POLR2F: variants seen among roughly 807,000 people sequenced by gnomAD.
POLR2F encodes the protein RNA polymerase II, I and III subunit F, also known as DNA-directed RNA polymerases I, II, and III subunit RPABC2.
A neutral mutation model predicts 22.7 loss-of-function variants in POLR2F; 12 were observed. That is an observed-to-expected ratio of 0.53 (90% CI 0.34 to 0.86). POLR2F has a LOEUF of 0.86. Ranked by LOEUF, POLR2F falls within the 40% of genes least tolerant of loss-of-function variation. The pLI, the probability that POLR2F is intolerant of heterozygous loss-of-function variation, is 0.02. For missense variants in POLR2F, 126 were observed against 171.5 expected, an observed-to-expected ratio of 0.73 and a Z score of 1.48; for synonymous variants, 57 against 66.0, an observed-to-expected ratio of 0.86 and a Z score of 0.66.
chr22:38,026,150 AG>A (rs2085007872), intron 2 of POLR2F: 1 of 533,298 alleles, frequency 1.9e-6, no homozygotes, highest in Non-Finnish European at 3.8e-6. Context: ...GATGCCTGGT[AG>A]GCGGGCACCA....
At chr22:37,974,229 G>A (rs373006786), downstream of POLR2F, 45 of 1,541,234 alleles carry the variant, frequency 2.9e-5, no homozygotes, top group Middle Eastern at 1.9e-4. This position sits in a 1 kb window ranked among gnomAD's most constrained non-coding sequence, Gnocchi z 5.4. Flanking sequence ...GAGAGAGAGC[G>A]CAAGGGGGAA....
At chr22:38,033,395 C>T (rs865888532) in intron 5 of POLR2F, among the ~76,000 whole-genome samples, 1 of 152,196 alleles carries the variant, frequency 6.6e-6, no homozygotes, top group Non-Finnish European at 1.5e-5. Context: ...TGGAATTTCC[C>T]TGGCCCCAGA....
exon 6 of POLR2F, chr22:38,041,102 A>T (rs1401212414): frequency 1.9e-6 from 3 of 1,612,818 alleles, no homozygotes; most frequent in Admixed American, 3.3e-5. Flanking sequence ...ACTCGCCTGA[A>T]GCCCCGTGAA....
intron 1 of POLR2F, chr22:38,025,453 C>A: frequency 2.3e-6 from 3 of 1,323,678 alleles, no homozygotes; most frequent in East Asian, 5.2e-5. Context: ...GATTCATATA[C>A]ACACACGTAC....
At chr22:37,973,298 G>A (rs1440678594), downstream of POLR2F, 2 of 564,972 alleles carry the variant, frequency 3.5e-6, no homozygotes, top group Non-Finnish European at 6.3e-6. Flanking sequence ...TGTTCTCCTG[G>A]GGCTTTGCTG....
downstream of POLR2F, chr22:38,041,308 G>A (rs2085170139): frequency 1.5e-6 from 1 of 677,178 alleles, no homozygotes; most frequent in East Asian, 2.7e-5. Flanking sequence ...CAGGTGACCA[G>A]GTGGAAGGTC....
rs1431927888 is a variant in POLR2F at position 37,978,005 on chromosome 22, C to T, written c.293+10835C>T. ...GCCTCCCCACCGGGGCACTCCGCCT[C>T]GCCCTGGGCGGCCTTCCCGTTCTTC... On this transcript the variant is annotated intron_variant, in intron 4 of 4. Coordinates refer to the POLR2F transcript ENST00000405557. The surrounding 1 kb of genome is among the most constrained non-coding windows in gnomAD (Gnocchi z 5.0). 5 of 1,611,672 alleles carry T rather than the reference C, an allele frequency of 3.1e-6. No individual in the cohort carries two copies. The highest frequency in any genetic ancestry group is 4.2e-6 in the Non-Finnish European group (5 of 1,179,762).
chr22:37,961,225 C>G (rs1262021127), intron 3 of POLR2F, among the ~76,000 whole-genome samples: 1 of 152,072 alleles, frequency 6.6e-6, no homozygotes, highest in Non-Finnish European at 1.5e-5. Flanking sequence ...CTATGCCTGG[C>G]TTTGTATTTT....
At position 37,968,551 on chromosome 22, in the gene POLR2F, C is replaced by T. The variant is rs921199518; in HGVS notation, c.*836C>T. On this transcript the variant is annotated 3_prime_UTR_variant, in exon 5 of 5. Transcript: ENST00000442738. Reference sequence around the variant, plus strand: ...CATTAAGTCAGAGCTGGAGTTCCCCCTTCCTCTGCCTGAGGTTCTAATGGG... The same window carrying T: ...CATTAAGTCAGAGCTGGAGTTCCCCTTTCCTCTGCCTGAGGTTCTAATGGG... 2.5e-5 allele frequency: 25 copies of T among 985,660 alleles called. No homozygotes were observed. Among genetic ancestry groups the T allele is most frequent in the Non-Finnish European group, 2.9e-5 (24 of 830,174 alleles). The allele number at this position is 985,660 out of a possible 1,614,324, so 61.1% of individuals were successfully genotyped here. A position where few individuals can be genotyped will look rare whatever the true frequency, so the allele number is the denominator to read the frequency against.
upstream of POLR2F, chr22:37,983,658 G>C: frequency 3.1e-6 from 5 of 1,590,728 alleles, no homozygotes; most frequent in Non-Finnish European, 4.3e-6. The surrounding 1 kb of genome is among the most constrained non-coding windows in gnomAD (Gnocchi z 9.5). Flanking sequence ...GGGCTGGCTC[G>C]CAGGCCCGAT....
chr22:38,010,442 C>T (rs974043585), intron 1 of POLR2F, among the ~76,000 whole-genome samples: 9 of 151,762 alleles, frequency 5.9e-5, no homozygotes, highest in Non-Finnish European at 8.8e-5. Flanking sequence ...AAGGATCAAA[C>T]TGTTTTCCAA....
chr22:38,014,966 C>T (rs1212744032), intron 1 of POLR2F, among the ~76,000 whole-genome samples: 4 of 151,808 alleles, frequency 2.6e-5, no homozygotes, highest in African/African-American at 9.7e-5. Context: ...CGCCACCACG[C>T]CCGGCTAATT....
intron 5 of POLR2F, among the ~76,000 whole-genome samples, chr22:38,039,142 C>T (rs1025175282): frequency 6.6e-6 from 1 of 152,194 alleles, no homozygotes; most frequent in Admixed American, 6.5e-5. Flanking sequence ...TTGAGGGGGC[C>T]GCCGCTGGGA....
intron 1 of POLR2F, among the ~76,000 whole-genome samples, chr22:38,023,108 G>A (rs1242990335): frequency 6.6e-6 from 1 of 152,194 alleles, no homozygotes; most frequent in Admixed American, 6.6e-5. Flanking sequence ...GTTCCCCTTG[G>A]GGTGTCCCAG....
chr22:37,961,212 C>T (rs1258606031), intron 3 of POLR2F, among the ~76,000 whole-genome samples: 1 of 152,112 alleles, frequency 6.6e-6, no homozygotes, highest in Non-Finnish European at 1.5e-5. Flanking sequence ...CAGGTATGTG[C>T]CACTATGCCT....
chr22:38,012,082 CTTTT>C (rs1235369974), intron 1 of POLR2F, among the ~76,000 whole-genome samples: 3 of 138,466 alleles, frequency 2.2e-5, no homozygotes, highest in Non-Finnish European at 3.2e-5. Context: ...TATTTTTATA[CTTTT>C]TTTTTTTTTT....
intron 1 of POLR2F, among the ~76,000 whole-genome samples, chr22:38,025,357 T>TAC (rs368756577): frequency 2.0e-5 from 3 of 151,658 alleles, no homozygotes; most frequent in Non-Finnish European, 4.4e-5. Context: ...AATCACAACG[T>TAC]ACACACACAC....
intron 1 of POLR2F, among the ~76,000 whole-genome samples, chr22:37,994,444 C>T (rs534011107): frequency 2.0e-5 from 3 of 152,304 alleles, no homozygotes. Context: ...ACTTCCCGGG[C>T]TTAATCGATC....
intron 4 of POLR2F, among the ~76,000 whole-genome samples, chr22:37,976,084 G>T (rs1932211204): frequency 6.6e-6 from 1 of 152,102 alleles, no homozygotes; most frequent in South Asian, 2.1e-4. Context: ...TTAGCTGGGT[G>T]TGGTGGCGTG....
Sources: gnomAD v4.1 joint callset for allele counts (sites outside exome capture counted in the v4.1 genomes callset) on GRCh38, gnomAD v4.1.1 for gene constraint, Gnocchi (gnomAD v3.1) non-coding constraint, MANE v1.5 for transcripts, NCBI Gene and HGNC (gene_info 2026-07-23, HGNC 2026-07-21) for gene names.